The following TAOK3 variants were observed in gnomAD, a reference collection of about 807,000 sequenced individuals.
The protein encoded by TAOK3 is TAO kinase 3, also known as serine/threonine-protein kinase TAO3.
TAOK3 carries 40 observed loss-of-function variants against 120.4 expected under a neutral mutation model. The ratio of observed to expected loss-of-function variants is 0.33; its 90% CI spans 0.26 to 0.43. The LOEUF is 0.43. TAOK3 is among the 20% of genes least tolerant of loss of function. The pLI is 1.00. For missense variants in TAOK3, 821 were observed against 1,112.1 expected (o/e 0.74, Z 3.72); for synonymous variants, 355 against 387.5 (o/e 0.92, Z 0.99).
chr12:118,264,388 A>C (rs1046867831), intron 2 of TAOK3, among the ~76,000 whole-genome samples: 1 of 152,248 alleles, frequency 6.6e-6, no homozygotes, highest in Non-Finnish European at 1.5e-5. Flanking sequence ...TCAGCAATAA[A>C]ATAAACTACA....
chr12:118,275,409 C>T (rs2041869754), intron 1 of TAOK3, among the ~76,000 whole-genome samples: 1 of 152,204 alleles, frequency 6.6e-6, no homozygotes, highest in Admixed American at 6.5e-5. Context: ...GCTGGGATTA[C>T]AGGCATGAGC....
intron 1 of TAOK3, among the ~76,000 whole-genome samples, chr12:118,298,165 TAGAGGTCACTAAAAACAA>T (rs1452138375): frequency 6.6e-6 from 1 of 151,246 alleles, no homozygotes; most frequent in East Asian, 1.9e-4. Context: ...TGGATGTTTA[TAGAGGTCACTAAAAACAA>T]AGGGGAGATT....
chr12:118,274,905 A>G (rs1024836717), intron 1 of TAOK3, among the ~76,000 whole-genome samples: 5 of 151,678 alleles, frequency 3.3e-5, no homozygotes, highest in Middle Eastern at 3.4e-3. Flanking sequence ...CACCACGCCC[A>G]GCAACACTGA....
intron 5 of TAOK3, among the ~76,000 whole-genome samples, 185 bp from the exon 6 acceptor site, chr12:118,239,457 T>C (rs1483344443): frequency 6.6e-6 from 1 of 152,232 alleles, no homozygotes; most frequent in Non-Finnish European, 1.5e-5. Flanking sequence ...ATCTCAGTTT[T>C]TATTATTTCT....
At chr12:118,185,074 A>G (rs1313578102) in intron 14 of TAOK3, among the ~76,000 whole-genome samples, 3 of 152,110 alleles carry the variant, frequency 2.0e-5, no homozygotes, top group African/African-American at 7.2e-5. Flanking sequence ...ACAGAGCACA[A>G]GTGGATCCAG....
chr12:118,342,462 CAATA>C (rs2044655294), intron 1 of TAOK3, among the ~76,000 whole-genome samples: 2 of 152,016 alleles, frequency 1.3e-5, no homozygotes, highest in Admixed American at 6.5e-5. Context: ...AAATTTGAAA[CAATA>C]AAGGTTAGAA....
chr12:118,358,623 G>A (rs1029573554), intron 1 of TAOK3, among the ~76,000 whole-genome samples: 3 of 152,038 alleles, frequency 2.0e-5, no homozygotes, highest in African/African-American at 7.2e-5. Context: ...CAAAATATTG[G>A]TATTGTATTT....
chr12:118,310,989 A>G (rs2043239674), intron 1 of TAOK3, among the ~76,000 whole-genome samples: 1 of 152,218 alleles, frequency 6.6e-6, no homozygotes, highest in African/African-American at 2.4e-5. Flanking sequence ...ATATCTACAA[A>G]GTTTGTGTAG....
intron 13 of TAOK3, among the ~76,000 whole-genome samples, chr12:118,193,382 T>G (rs747502474): frequency 3.9e-5 from 6 of 152,118 alleles, no homozygotes; most frequent in Non-Finnish European, 7.4e-5. Context: ...AATAAATTTC[T>G]TCAGATTAAA....
chr12:118,367,052 T>C (rs561613948), intron 1 of TAOK3, among the ~76,000 whole-genome samples: 2 of 152,162 alleles, frequency 1.3e-5, no homozygotes, highest in Non-Finnish European at 2.9e-5. Context: ...AGTAAGGCTG[T>C]CTCGAAAACA....
chr12:118,182,623 A>ATT (rs1555215274), intron 14 of TAOK3, among the ~76,000 whole-genome samples: 4,863 of 92,302 alleles, frequency 0.053, 211 homozygotes, highest in East Asian at 0.16. Flanking sequence ...ATATATATAT[A>ATT]TTTTTTTTTT....
intron 1 of TAOK3, among the ~76,000 whole-genome samples, chr12:118,275,992 G>C (rs1444579531): frequency 6.6e-6 from 1 of 152,166 alleles, no homozygotes; most frequent in Non-Finnish European, 1.5e-5. Flanking sequence ...GTAAGGGAAA[G>C]TGAACAATGG....
At chr12:118,301,774 G>A (rs945294843) in intron 1 of TAOK3, among the ~76,000 whole-genome samples, 3 of 150,058 alleles carry the variant, frequency 2.0e-5, no homozygotes, top group East Asian at 4.0e-4. Context: ...CCTGGGAGGC[G>A]GAAGTTGCAG....
chr12:118,308,987 C>T (rs1463373562), intron 1 of TAOK3, among the ~76,000 whole-genome samples: 2 of 135,904 alleles, frequency 1.5e-5, no homozygotes, highest in Non-Finnish European at 3.1e-5. Flanking sequence ...TAATTGAGCA[C>T]TCAAATTTAG....
At chr12:118,190,350 C>G in intron 13 of TAOK3, 1 of 157,756 alleles carries the variant, frequency 6.3e-6, no homozygotes, top group Non-Finnish European at 1.4e-5. Flanking sequence ...TAAAAGCGAG[C>G]CTCCGCCTCA....
intron 1 of TAOK3, among the ~76,000 whole-genome samples, chr12:118,313,547 G>C (rs986272527): frequency 2.6e-5 from 4 of 152,194 alleles, no homozygotes; most frequent in South Asian, 4.1e-4. Flanking sequence ...AAAATGCTAA[G>C]ATTACAGGCG....
At chr12:118,316,983 G>T (rs145379990) in intron 1 of TAOK3, among the ~76,000 whole-genome samples, 15 of 152,194 alleles carry the variant, frequency 9.9e-5, no homozygotes, top group African/African-American at 3.6e-4. Flanking sequence ...CATTGCTGGG[G>T]CTGGGCACGG....
intron 8 of TAOK3, among the ~76,000 whole-genome samples, chr12:118,234,390 G>A (rs531603896): frequency 1.2e-4 from 18 of 151,538 alleles, no homozygotes; most frequent in Non-Finnish European, 1.8e-4. Context: ...GACTACAGGC[G>A]CCTGCCACCA....
chr12:118,223,006 C>T (rs891455838), intron 9 of TAOK3, among the ~76,000 whole-genome samples: 7 of 151,114 alleles, frequency 4.6e-5, no homozygotes, highest in Admixed American at 1.3e-4. Flanking sequence ...TGAAAGAGTA[C>T]GCCTATCTTT....
Sources: gnomAD v4.1 joint callset for allele counts (sites outside exome capture counted in the v4.1 genomes callset) on GRCh38, gnomAD v4.1.1 for gene constraint, MANE v1.5 for transcripts, NCBI Gene and HGNC (gene_info 2026-07-23, HGNC 2026-07-21) for gene names.